Variants in CYB5R2 observed in about 807,000 individuals in gnomAD.
CYB5R2 encodes the protein NADH-cytochrome b5 reductase 2.
CYB5R2 carries 35 observed loss-of-function variants against 29.8 expected under a neutral mutation model. The observed-to-expected ratio is 1.17, with a 90% CI of 0.90 to 1.56. The LOEUF is 1.56. Among genes scored for constraint, CYB5R2 ranks in the 40% most tolerant of loss-of-function variants. The pLI is 0.00. For missense variants in CYB5R2, 419 were observed against 346.7 expected, an observed-to-expected ratio of 1.21 and a Z score of -1.66; for synonymous variants, 169 against 130.6, an observed-to-expected ratio of 1.29 and a Z score of -2.01.
intron 8 of CYB5R2, 79 bp from the exon 9 acceptor site, chr11:7,665,625 C>G: frequency 1.4e-6 from 2 of 1,443,570 alleles, no homozygotes; most frequent in Non-Finnish European, 1.9e-6. Context: ...CACACCCACC[C>G]TCAGCCAGGG....
At chr11:7,669,390 TACA>T in intron 4 of CYB5R2, 56 bp from the exon 5 acceptor site, 1 of 1,559,856 alleles carries the variant, frequency 6.4e-7, no homozygotes, top group East Asian at 2.2e-5. Context: ...CACAGCCACG[TACA>T]ACTAGAAAAT....
chr11:7,672,622 G>GCGCACA (rs1555009562), intron 2 of CYB5R2, 99 bp from the exon 3 acceptor site: 5 of 1,237,222 alleles, frequency 4.0e-6, no homozygotes, highest in East Asian at 2.5e-5. Context: ...CGCTATTCCA[G>GCGCACA]CACACACACA....
In CYB5R2 at chr11:7,672,486, A is replaced by G. The variant is rs1437647016; in HGVS notation, c.116T>C (p.Leu39Pro). 6.2e-7 allele frequency: 1 copy of G among 1,614,130 alleles called. No individual in the cohort carries two copies. The highest frequency in any genetic ancestry group is 1.1e-5 in the South Asian group (1 of 91,088). ...SHNTRRFRFG[L>P]PSPDHVLGLP... ...CCCTAAGACATGGTCCGGCGAAGGC[A>G]GTCCAAAGCGGAACCTCCGGGTGTT... Residue 39 changes from leucine (L) to proline (P), a missense_variant, in exon 3 of 9, where the codon CTG becomes CCG. Physicochemically the swap from Leu to Pro is moderately conservative, Grantham distance 98. Transcript: ENST00000299498.
At chr11:7,665,756 G>C in intron 8 of CYB5R2, 2 of 1,357,086 alleles carry the variant, frequency 1.5e-6, no homozygotes, top group Non-Finnish European at 2.0e-6. Context: ...CTCACTGCAG[G>C]GACCCTGAAG....
chr11:7,669,717 G>A lies in CYB5R2; in HGVS notation c.166C>T (p.Leu56Phe). 1 of 1,613,732 alleles carries A rather than the reference G, an allele frequency of 6.2e-7. No homozygotes were observed. Among genetic ancestry groups the A allele is most frequent in the South Asian group, 1.1e-5 (1 of 91,072 alleles). The change falls in exon 4 of 9, where the codon CTC (leucine) becomes TTC (phenylalanine). Residue 56 changes from leucine to phenylalanine, a missense_variant. Coordinates refer to ENST00000299498, the MANE Select transcript of CYB5R2 (RefSeq NM_016229.5). ...LGLPVGNYVQ[L>F]LAKIDNELVV... ...AATTCATTATCGATTTTTGCCAAGA[G>A]CTGGACATAGTTACCTATAGAAAAG...
At chr11:7,673,759 C>T (rs966562964), upstream of CYB5R2, 1 of 963,042 alleles carries the variant, frequency 1.0e-6, no homozygotes, top group African/African-American at 1.9e-5. Flanking sequence ...TGGGGTTGGC[C>T]GGGGGCCGCT....
At chr11:7,668,009 A>G (rs1319551716) in intron 6 of CYB5R2, among the ~76,000 whole-genome samples, 196 bp from the exon 7 acceptor site, 2 of 152,198 alleles carry the variant, frequency 1.3e-5, no homozygotes, top group Admixed American at 6.5e-5. Flanking sequence ...AGTCTTTCTC[A>G]TTTTCATATG....
At chr11:7,667,476 G>C in intron 7 of CYB5R2, 1 of 374,846 alleles carries the variant, frequency 2.7e-6, no homozygotes, top group Non-Finnish European at 4.8e-6. Context: ...AAATACAGCA[G>C]TACATCTTAA....
At chr11:7,668,159 G>A (rs540018686) in intron 6 of CYB5R2, among the ~76,000 whole-genome samples, 77 of 152,276 alleles carry the variant, frequency 5.1e-4, no homozygotes, top group Admixed American at 2.1e-3. Context: ...TCTTTCTTCA[G>A]GCAGTCATTT....
At chr11:7,673,874 G>A (rs773761169), upstream of CYB5R2, 4 of 990,980 alleles carry the variant, frequency 4.0e-6, no homozygotes, top group Non-Finnish European at 3.6e-6. Flanking sequence ...ACAAAAGCGC[G>A]GGCGGACCCC....
In CYB5R2 at chr11:7,673,493, G is replaced by A; in HGVS notation, c.-141C>T. On this transcript the variant is annotated 5_prime_UTR_variant, in exon 1 of 9. Transcript: ENST00000299498. Reference sequence around the variant, plus strand: ...TTGCCTCTCCTCCCGCCGGGTCACTGGAGTCTCAGCCTTCCGGAATCCGAG... The same window carrying A: ...TTGCCTCTCCTCCCGCCGGGTCACTAGAGTCTCAGCCTTCCGGAATCCGAG... 2.0e-6 allele frequency: 2 copies of A among 986,458 alleles called. No homozygotes were observed. Among genetic ancestry groups the A allele is most frequent in the Non-Finnish European group, 2.4e-6 (2 of 830,752 alleles). The allele number at this position is 986,458 out of a possible 1,614,324, so 61.1% of individuals were successfully genotyped here.
rs1056737617 is a variant in CYB5R2, at chr11:7,665,552, A to G, written c.659-6T>C. The G allele has an allele frequency of 1.9e-6, 3 of 1,596,200 alleles. No homozygotes were observed. Among genetic ancestry groups the G allele is most frequent in the South Asian group, 2.3e-5 (2 of 87,270 alleles). The stretch of plus-strand genomic sequence containing the variant: ...GCCTGAGCTGTACTTCCAGCCTGAA[A>G]TGAAGGAGATGCAGGAGCAAGCTGA... On this transcript the variant is annotated splice_polypyrimidine_tract_variant and splice_region_variant and intron_variant, in intron 8 of 8. Transcript: ENST00000299498.
intron 3 of CYB5R2, chr11:7,671,345 C>T (rs550785146): frequency 5.2e-5 from 8 of 152,466 alleles, no homozygotes; most frequent in Middle Eastern, 3.4e-3. Flanking sequence ...GACGAAGCAG[C>T]GAACTCTGAG....
intron 3 of CYB5R2, chr11:7,670,079 G>A: frequency 4.1e-6 from 1 of 244,906 alleles, no homozygotes; most frequent in Non-Finnish European, 8.0e-6. Flanking sequence ...TACAGAAAGG[G>A]GTCAGACATG....
downstream of CYB5R2, chr11:7,665,099 C>CAA: frequency 3.7e-6 from 1 of 272,880 alleles, no homozygotes; most frequent in South Asian, 7.2e-5. Context: ...ACTTCATGGG[C>CAA]TGTCTGCTTT....
chr11:7,669,957 G>A, intron 3 of CYB5R2: 1 of 521,172 alleles, frequency 1.9e-6, no homozygotes. Context: ...TCTGGGTTTT[G>A]GTCTCTTCAT....
Position 7,665,136 on chromosome 11 carries a change from C to A in CYB5R2, c.*238G>T, listed in dbSNP as rs1003771270. ...TACTTGAGTTTATTTCACAAAACCA[C>A]GGAGAAAGATACTGAAATGGAGCTC... On this transcript the variant is annotated 3_prime_UTR_variant, in exon 9 of 9. Coordinates refer to ENST00000299498, the MANE Select transcript of CYB5R2 (RefSeq NM_016229.5). 1.5e-5 allele frequency: 6 copies of A among 395,068 alleles called. No homozygotes were observed. Among genetic ancestry groups the A allele is most frequent in the African/African-American group, 2.1e-5 (1 of 48,710 alleles). 24.5% of individuals were successfully genotyped at this position (395,068 alleles called of 1,614,324 possible).
rs752075191 is a variant in CYB5R2, at chr11:7,665,431, C to T, written c.774G>A (p.Ala258=). The T allele has an allele frequency of 4.3e-5, 70 of 1,612,204 alleles. No individual in the cohort carries two copies. Among genetic ancestry groups the T allele is most frequent in the Admixed American group, 3.4e-4 (20 of 59,682 alleles). Reference sequence around the variant, plus strand: ...CCAGCTTCTCCAGGTTAGGGTGAGCCGCCGTCTGGATTAGTGGTGGCGGGC... The same window carrying T: ...CCAGCTTCTCCAGGTTAGGGTGAGCTGCCGTCTGGATTAGTGGTGGCGGGC... ...VCGPPPLIQT[A]AHPNLEKLGY... The change falls in exon 9 of 9, where the codon GCG becomes GCA. Residue 258 remains alanine, a synonymous_variant. Coordinates refer to ENST00000299498, the MANE Select transcript of CYB5R2 (RefSeq NM_016229.5).
chr11:7,667,902 G>A (rs765745446), intron 6 of CYB5R2, 89 bp from the exon 7 acceptor site: 92 of 1,048,056 alleles, frequency 8.8e-5, no homozygotes, highest in Non-Finnish European at 1.2e-4. Flanking sequence ...CCTTCCCCCA[G>A]CCCAAGTTAT....
Sources: allele counts gnomAD v4.1 joint callset (sites outside exome capture counted in the v4.1 genomes callset), GRCh38; gene constraint gnomAD v4.1.1; transcripts MANE v1.5; gene names NCBI Gene and HGNC (gene_info 2026-07-23, HGNC 2026-07-21).